The following EXOC6B variants were observed in gnomAD, a reference collection of about 807,000 sequenced individuals.
EXOC6B encodes the protein SEC15 homolog B.
Under a neutral mutation model 113.5 loss-of-function variants are expected in EXOC6B, and 54 were observed. The ratio of observed to expected loss-of-function variants is 0.48; its 90% confidence interval spans 0.38 to 0.60. EXOC6B has a LOEUF of 0.60. EXOC6B is among the 20% of genes least tolerant of loss of function. EXOC6B has a pLI of 0.00. For synonymous variants in EXOC6B, 357 were observed against 339.0 expected, an observed-to-expected ratio of 1.05 and a Z score of -0.58; for missense variants, 797 against 977.5, an observed-to-expected ratio of 0.82 and a Z score of 2.46.
intron 1 of EXOC6B, among the ~76,000 whole-genome samples, chr2:72,819,442 G>A (rs999742352): frequency 6.6e-6 from 1 of 152,110 alleles, no homozygotes; most frequent in Non-Finnish European, 1.5e-5. Flanking sequence ...TGATTGTCAA[G>A]GACGGAGTAT....
chr2:72,508,940 T>A (rs1160066757), intron 11 of EXOC6B, among the ~76,000 whole-genome samples: 2 of 151,998 alleles, frequency 1.3e-5, no homozygotes, highest in East Asian at 3.9e-4. Context: ...ATATAAAAGG[T>A]AGCCTTCAAA....
At position 72,664,482 on chromosome 2, in the gene EXOC6B, C is replaced by T. The variant is rs111524183; in HGVS notation, c.669+53621G>A. 3.2e-4 allele frequency among the ~76,000 whole-genome samples: 48 copies of T among 152,200 alleles called. 1 individual carries two copies. Among genetic ancestry groups the T allele is most frequent in the African/African-American group, 9.9e-4 (41 of 41,534 alleles). ...TCCCAGGTACAAGAGATCCCATGAC[C>T]CCCCACAGACAGTTAAATTAACAGG... On this transcript the variant is annotated intron_variant, in intron 6 of 21. Coordinates refer to ENST00000272427, the MANE Select transcript of EXOC6B (RefSeq NM_015189.3).
At chr2:72,626,862 T>C (rs1032927666) in intron 6 of EXOC6B, among the ~76,000 whole-genome samples, 1 of 152,184 alleles carries the variant, frequency 6.6e-6, no homozygotes, top group Non-Finnish European at 1.5e-5. Flanking sequence ...ACCTAATATA[T>C]ATTCAGTCTT....
At chr2:72,590,184 A>G (rs114832499) in intron 6 of EXOC6B, among the ~76,000 whole-genome samples, 1 of 152,160 alleles carries the variant, frequency 6.6e-6, no homozygotes, top group Non-Finnish European at 1.5e-5. Flanking sequence ...TCAAACGCAT[A>G]TAAGACAACT....
intron 6 of EXOC6B, among the ~76,000 whole-genome samples, chr2:72,626,175 G>T (rs1672038100): frequency 6.6e-6 from 1 of 151,970 alleles, no homozygotes; most frequent in African/African-American, 2.4e-5. Flanking sequence ...GTGAAATAAA[G>T]ATAATCCTCA....
chr2:72,208,240 C>T (rs1023712417), intron 20 of EXOC6B, among the ~76,000 whole-genome samples: 2 of 151,850 alleles, frequency 1.3e-5, no homozygotes, highest in Admixed American at 1.3e-4. Context: ...TCCCTCCCTC[C>T]CTTCCCCATC....
chr2:72,310,229 C>T (rs1450971113), intron 20 of EXOC6B, among the ~76,000 whole-genome samples: 2 of 152,162 alleles, frequency 1.3e-5, no homozygotes, highest in Non-Finnish European at 2.9e-5. Context: ...TCCACAGTGG[C>T]AGCACCATAT....
At chr2:72,743,018 A>G (rs1681428543) in intron 1 of EXOC6B, among the ~76,000 whole-genome samples, 1 of 152,188 alleles carries the variant, frequency 6.6e-6, no homozygotes, top group Non-Finnish European at 1.5e-5. Context: ...TACCCATCCC[A>G]TCACAGCTAA....
Position 72,289,964 on chromosome 2 carries a change from G to C in EXOC6B, c.2196+44983C>G, listed in dbSNP as rs552294957. Among the ~76,000 whole-genome samples the C allele has an allele frequency of 3.3e-5, 5 of 152,268 alleles. No homozygotes were observed. In the South Asian group the frequency reaches 1.0e-3, roughly 32 times the overall value. On this transcript the variant is annotated intron_variant, in intron 20 of 21. Coordinates refer to ENST00000272427, the MANE Select transcript of EXOC6B (RefSeq NM_015189.3). ...TTGAAGGCCTGAAAAAACCACAAAG[G>C]TTGACTTTTCTGTGAGAAATTCCTC...
At chr2:72,435,310 A>C (rs1007698484) in intron 18 of EXOC6B, among the ~76,000 whole-genome samples, 1 of 152,172 alleles carries the variant, frequency 6.6e-6, no homozygotes, top group African/African-American at 2.4e-5. Context: ...TTTGCTGAGC[A>C]GTGTTTTACT....
intron 13 of EXOC6B, among the ~76,000 whole-genome samples, chr2:72,498,100 C>G (rs971279973): frequency 1.4e-4 from 22 of 152,120 alleles, no homozygotes; most frequent in Admixed American, 4.6e-4. Flanking sequence ...GAGTTGTAGA[C>G]TAGGCATGAA....
At chr2:72,250,709 T>A (rs945182281) in intron 20 of EXOC6B, among the ~76,000 whole-genome samples, 10 of 152,094 alleles carry the variant, frequency 6.6e-5, no homozygotes, top group African/African-American at 2.4e-4. Flanking sequence ...TGATTTGAAA[T>A]CTATTATGAT....
intron 11 of EXOC6B, among the ~76,000 whole-genome samples, chr2:72,508,888 C>A (rs2105645006): frequency 6.6e-6 from 1 of 152,220 alleles, no homozygotes; most frequent in South Asian, 2.1e-4. Context: ...GAATTCAAAT[C>A]ATATGACCTA....
chr2:72,266,408 A>T (rs1400440630), intron 20 of EXOC6B, among the ~76,000 whole-genome samples: 1 of 149,934 alleles, frequency 6.7e-6, no homozygotes, highest in Non-Finnish European at 1.5e-5. Context: ...TAAGTCTTTA[A>T]TCCATCTTGA....
chr2:72,289,950 A>T (rs537189917), intron 20 of EXOC6B, among the ~76,000 whole-genome samples: 3 of 152,312 alleles, frequency 2.0e-5, no homozygotes, highest in Admixed American at 6.5e-5. Flanking sequence ...TGAAGGCCTG[A>T]AAAAACCACA....
Position 72,550,466 on chromosome 2 carries a change from T to C in EXOC6B, c.915+8987A>G, listed in dbSNP as rs528752474. Among the ~76,000 whole-genome samples, 6 of 152,208 alleles carry C rather than the reference T, an allele frequency of 3.9e-5. No homozygotes were observed. In the South Asian group the frequency reaches 1.0e-3, roughly 26 times the overall value. ...AAATAAACATACATTCTCCAGAAAA[T>C]AGAACTGAGTTTCTACCACTAACTG... On this transcript the variant is annotated intron_variant, in intron 8 of 21. Transcript: ENST00000272427.
chr2:72,689,414 TCA>T (rs1303340047), intron 6 of EXOC6B, among the ~76,000 whole-genome samples: 4 of 152,202 alleles, frequency 2.6e-5, no homozygotes, highest in Non-Finnish European at 4.4e-5. Context: ...TCTCTCTCTC[TCA>T]GTCTCTCTCT....
At chr2:72,688,000 C>A (rs1043011133) in intron 6 of EXOC6B, among the ~76,000 whole-genome samples, 3 of 151,882 alleles carry the variant, frequency 2.0e-5, no homozygotes, top group African/African-American at 7.3e-5. Flanking sequence ...GTAATTTTAC[C>A]AGCCCCTCCA....
chr2:72,709,945 T>C (rs964140745), intron 6 of EXOC6B, among the ~76,000 whole-genome samples: 2 of 152,102 alleles, frequency 1.3e-5, no homozygotes, highest in African/African-American at 4.8e-5. Flanking sequence ...ATACATAAAT[T>C]CCCTTCCCAA....
Sources: gnomAD v4.1 joint callset for allele counts (sites outside exome capture counted in the v4.1 genomes callset) on GRCh38, gnomAD v4.1.1 for gene constraint, MANE v1.5 for transcripts, NCBI Gene and HGNC (gene_info 2026-07-23, HGNC 2026-07-21) for gene names.